PLCB1: variants seen among roughly 807,000 people sequenced by gnomAD.
The protein encoded by PLCB1 is 1-phosphatidylinositol 4,5-bisphosphate phosphodiesterase beta-1.
PLCB1 carries 46 observed loss-of-function variants against 161.8 expected under a neutral mutation model. The ratio of observed to expected loss-of-function variants is 0.28; its 90% CI spans 0.22 to 0.36. The LOEUF is 0.36. Among genes scored for constraint, PLCB1 ranks in the 10% least tolerant of loss-of-function variants. The pLI is 1.00. For missense variants in PLCB1, 1,016 were observed against 1,472.5 expected, an observed-to-expected ratio of 0.69 and a Z score of 5.07; for synonymous variants, 517 against 503.7, an observed-to-expected ratio of 1.03 and a Z score of -0.35.
chr20:8,382,443 T>G (rs1987288276), intron 3 of PLCB1, among the ~76,000 whole-genome samples: 1 of 114,084 alleles, frequency 8.8e-6, no homozygotes, highest in African/African-American at 3.3e-5. Flanking sequence ...CCACCACACC[T>G]GGCTAATTTT....
In PLCB1 at chr20:8,697,800, T is replaced by C. The variant is rs1990613748; in HGVS notation, c.1167+17T>C. On this transcript the variant is annotated intron_variant, in intron 11 of 31. Transcript: ENST00000338037. ...TCTTTCAAGGTAGAGTATATGAATG[T>C]TACTAAGAGAGGCAGCTGGAGACAC... 1.2e-6 allele frequency: 2 copies of C among 1,611,170 alleles called. No homozygotes were observed. Among genetic ancestry groups the C allele is most frequent in the Non-Finnish European group, 8.5e-7 (1 of 1,177,890 alleles).
At chr20:8,221,219 G>A (rs545589754) in intron 2 of PLCB1, among the ~76,000 whole-genome samples, 1 of 152,162 alleles carries the variant, frequency 6.6e-6, no homozygotes, top group African/African-American at 2.4e-5. Flanking sequence ...AAGACTGTGA[G>A]CCAAGAACTT....
At chr20:8,825,762 G>A (rs1324092504) in intron 31 of PLCB1, among the ~76,000 whole-genome samples, 4 of 152,198 alleles carry the variant, frequency 2.6e-5, no homozygotes, top group African/African-American at 9.7e-5. Context: ...GAAGGGGCAA[G>A]CGGGTTGCAA....
intron 3 of PLCB1, among the ~76,000 whole-genome samples, chr20:8,414,589 C>A (rs1428764840): frequency 6.6e-6 from 1 of 152,092 alleles, no homozygotes; most frequent in Non-Finnish European, 1.5e-5. Flanking sequence ...TTAAAACAAT[C>A]AAAAATCAAA....
At chr20:8,578,507 A>C (rs1263954006) in intron 3 of PLCB1, among the ~76,000 whole-genome samples, 2 of 152,244 alleles carry the variant, frequency 1.3e-5, no homozygotes, top group Non-Finnish European at 2.9e-5. Context: ...GTGATGGAGA[A>C]CACATGTGAG....
At chr20:8,859,969 A>T (rs1987199810) in intron 31 of PLCB1, among the ~76,000 whole-genome samples, 1 of 152,224 alleles carries the variant, frequency 6.6e-6, no homozygotes, top group African/African-American at 2.4e-5. Context: ...TCATTGAGAG[A>T]ATATAAATAT....
chr20:8,714,455 CT>C (rs1437226090), intron 12 of PLCB1, among the ~76,000 whole-genome samples: 1 of 152,172 alleles, frequency 6.6e-6, no homozygotes, highest in Non-Finnish European at 1.5e-5. Flanking sequence ...AGGAAGAAGA[CT>C]TGAACCCAGG....
intron 9 of PLCB1, among the ~76,000 whole-genome samples, chr20:8,676,010 ATT>A (rs1990064181): frequency 6.6e-6 from 1 of 152,236 alleles, no homozygotes; most frequent in Non-Finnish European, 1.5e-5. Flanking sequence ...TAGAGGGACT[ATT>A]TATGTATTTA....
intron 3 of PLCB1, chr20:8,371,947 A>G (rs1401796504): frequency 6.6e-6 from 1 of 152,374 alleles, no homozygotes; most frequent in Non-Finnish European, 1.5e-5. Context: ...GTGCAGTGTC[A>G]TTTGTTTTGG....
intron 31 of PLCB1, chr20:8,802,404 A>C: frequency 1.1e-4 from 50 of 446,054 alleles, no homozygotes; most frequent in Middle Eastern, 5.6e-4. Context: ...CATAAATCTC[A>C]TTCTTCCATA....
intron 4 of PLCB1, among the ~76,000 whole-genome samples, chr20:8,632,558 T>C (rs1988633167): frequency 6.6e-6 from 1 of 151,754 alleles, no homozygotes; most frequent in South Asian, 2.1e-4. Context: ...AAAAATGAGA[T>C]AGGGATGGAG....
intron 3 of PLCB1, among the ~76,000 whole-genome samples, chr20:8,450,924 T>TA (rs1348090420): frequency 1.3e-5 from 2 of 152,210 alleles, no homozygotes; most frequent in Non-Finnish European, 2.9e-5. Flanking sequence ...TGTTAAGTTG[T>TA]AAAAAGTAGG....
chr20:8,756,236 AC>A (rs1200245281), intron 23 of PLCB1, among the ~76,000 whole-genome samples: 1 of 152,190 alleles, frequency 6.6e-6, no homozygotes, highest in Non-Finnish European at 1.5e-5. Context: ...AATCATCTAA[AC>A]AATCTAACAA....
In PLCB1 at chr20:8,883,273, T is replaced by C. The variant is rs558292018; in HGVS notation, c.*1424T>C. ...TTATTCTAACATAAAAAAACTTCCA[T>C]TATATATTTACTAAGTATATTTAAT... is the stretch of plus-strand genomic sequence containing the variant. On this transcript the variant is annotated 3_prime_UTR_variant, in exon 32 of 32. Transcript: ENST00000338037. The C allele has an allele frequency of 6.6e-6, 1 of 152,258 alleles. No homozygotes were observed. The highest frequency in any genetic ancestry group is 2.1e-4 in the South Asian group (1 of 4,826). The allele number at this position is 152,258 out of a possible 1,614,324, so 9.4% of individuals were successfully genotyped here.
At position 8,523,496 on chromosome 20, in the gene PLCB1, C is replaced by CTATATA. The variant is rs777011717; in HGVS notation, c.247-104778_247-104773dup. Among the ~76,000 whole-genome samples, 89 of 51,634 alleles carry CTATATA rather than the reference C, an allele frequency of 1.7e-3. 2 individuals carry two copies. The highest frequency in any genetic ancestry group is 6.3e-3 in the East Asian group (16 of 2,522). 33.9% of individuals were successfully genotyped at this position (51,634 alleles called of 152,430 possible). On this transcript the variant is annotated intron_variant, in intron 3 of 31. Transcript: ENST00000338037. ...TCTCTCTCTCTCTCTCTCTCTCTCT[C>CTATATA]TATATATATATATATATATATATAT...
Position 8,623,057 on chromosome 20 carries a change from C to T in PLCB1, c.247-5237C>T, listed in dbSNP as rs1988229336. 2.6e-5 allele frequency among the ~76,000 whole-genome samples: 4 copies of T among 152,124 alleles called. No homozygotes were observed. The East Asian group carries it at 7.7e-4, about 29-fold the overall frequency. On this transcript the variant is annotated intron_variant, in intron 3 of 31. Coordinates refer to ENST00000338037, the MANE Select transcript of PLCB1 (RefSeq NM_015192.4). The stretch of plus-strand genomic sequence containing the variant: ...TTCTATGGTCAGCCTGCCTGAATGC[C>T]CTCCAGCAGCCCCTTATCTTTCCTT...
intron 31 of PLCB1, among the ~76,000 whole-genome samples, chr20:8,831,801 T>C (rs1985993480): frequency 6.6e-6 from 1 of 152,168 alleles, no homozygotes; most frequent in African/African-American, 2.4e-5. Flanking sequence ...AGCTAGTTAT[T>C]TATATTTTGC....
In PLCB1 at chr20:8,446,348, C is replaced by T. The variant is rs983257989; in HGVS notation, c.246+74898C>T. 6.6e-5 allele frequency among the ~76,000 whole-genome samples: 10 copies of T among 152,128 alleles called. 1 individual carries two copies. The highest frequency in any genetic ancestry group is 1.3e-4 in the Non-Finnish European group (9 of 68,034). ...ATAGATGCAGAAAAGCCCTTTGACA[C>T]AATTCAACAACCCTTTGTTTTAAAA... On this transcript the variant is annotated intron_variant, in intron 3 of 31. Transcript: ENST00000338037.
At chr20:8,430,357 C>T (rs1360301452) in intron 3 of PLCB1, among the ~76,000 whole-genome samples, 1 of 151,616 alleles carries the variant, frequency 6.6e-6, no homozygotes, top group African/African-American at 2.4e-5. Context: ...AACAGATGCT[C>T]TTCCCGGGTC....
Sources: gnomAD v4.1 joint callset for allele counts (sites outside exome capture counted in the v4.1 genomes callset) on GRCh38, gnomAD v4.1.1 for gene constraint, MANE v1.5 for transcripts, NCBI Gene and HGNC (gene_info 2026-07-23, HGNC 2026-07-21) for gene names.